Variants in MIPOL1 observed in about 807,000 individuals in gnomAD.
The protein encoded by MIPOL1 is mirror-image polydactyly 1.
A neutral mutation model predicts 60.9 loss-of-function variants in MIPOL1; 57 were observed. That is an observed-to-expected ratio of 0.94 (90% confidence interval 0.76 to 1.17). The LOEUF is 1.17. Among genes scored for constraint, MIPOL1 ranks in the 50% most tolerant of loss-of-function variants. The pLI is 0.00. For synonymous variants in MIPOL1, 179 were observed against 168.8 expected, an observed-to-expected ratio of 1.06 and a Z score of -0.47; for missense variants, 551 against 511.6, an observed-to-expected ratio of 1.08 and a Z score of -0.74.
intron 7 of MIPOL1, among the ~76,000 whole-genome samples, chr14:37,294,683 C>G (rs1313081550): frequency 1.3e-5 from 2 of 151,888 alleles, no homozygotes; most frequent in Non-Finnish European, 2.9e-5. Flanking sequence ...GTAACCGATG[C>G]GATCAACTGG....
At chr14:37,223,559 A>G (rs375824096) in intron 1 of MIPOL1, among the ~76,000 whole-genome samples, 119 of 151,254 alleles carry the variant, frequency 7.9e-4, no homozygotes, top group African/African-American at 2.5e-3. Context: ...CTGGAGTGCA[A>G]TGGCGCGATC....
intron 4 of MIPOL1, among the ~76,000 whole-genome samples, chr14:37,267,424 G>A (rs1009788223): frequency 1.3e-5 from 2 of 152,016 alleles, no homozygotes; most frequent in Admixed American, 1.3e-4. Context: ...GGAGGCGGAG[G>A]TTGCAGTGAG....
chr14:37,296,874 G>A (rs1016485365), intron 7 of MIPOL1, among the ~76,000 whole-genome samples: 1 of 152,138 alleles, frequency 6.6e-6, no homozygotes, highest in Admixed American at 6.5e-5. Context: ...TCTACCAGAG[G>A]TACAAGGAGG....
intron 9 of MIPOL1, among the ~76,000 whole-genome samples, chr14:37,317,350 A>G (rs1306036630): frequency 2.0e-5 from 3 of 152,208 alleles, no homozygotes; most frequent in Non-Finnish European, 2.9e-5. Flanking sequence ...GCAGAGCTGA[A>G]TGCACATTTA....
intron 1 of MIPOL1, among the ~76,000 whole-genome samples, chr14:37,237,475 A>G (rs575957491): frequency 1.8e-4 from 28 of 152,028 alleles, no homozygotes; most frequent in Non-Finnish European, 3.5e-4. Flanking sequence ...ACTATTTTCT[A>G]TAGCTCCAGC....
chr14:37,313,642 G>T (rs1243632123), intron 9 of MIPOL1, among the ~76,000 whole-genome samples: 3 of 152,104 alleles, frequency 2.0e-5, no homozygotes, highest in Non-Finnish European at 4.4e-5. Context: ...AGTACAGCAG[G>T]TATAAAGGAA....
chr14:37,331,428 T>C (rs567628347), intron 9 of MIPOL1, among the ~76,000 whole-genome samples: 5 of 152,126 alleles, frequency 3.3e-5, no homozygotes, highest in Admixed American at 6.5e-5. Flanking sequence ...TGTGTGTATG[T>C]CCTCTTCAGT....
At chr14:37,526,090 A>C (rs906073121) in intron 12 of MIPOL1, among the ~76,000 whole-genome samples, 2 of 152,172 alleles carry the variant, frequency 1.3e-5, no homozygotes, top group Non-Finnish European at 2.9e-5. Context: ...AGACAGAAGA[A>C]TCACCAAAAA....
At chr14:37,347,630 T>A (rs1023096596) in intron 9 of MIPOL1, among the ~76,000 whole-genome samples, 1 of 152,178 alleles carries the variant, frequency 6.6e-6, no homozygotes, top group African/African-American at 2.4e-5. Context: ...CCTAGAGATA[T>A]TGTTGTAGAA....
chr14:37,445,789 C>G (rs2094324628), intron 11 of MIPOL1, among the ~76,000 whole-genome samples: 1 of 152,096 alleles, frequency 6.6e-6, no homozygotes, highest in African/African-American at 2.4e-5. Flanking sequence ...ACTGTCTGAT[C>G]TTTGACAAAC....
chr14:37,474,771 G>A (rs904452803), intron 11 of MIPOL1, among the ~76,000 whole-genome samples: 5 of 152,072 alleles, frequency 3.3e-5, no homozygotes, highest in African/African-American at 9.7e-5. Flanking sequence ...AGATGGATGA[G>A]GATGTTGTAC....
At chr14:37,289,207 T>C (rs573487568) in intron 7 of MIPOL1, among the ~76,000 whole-genome samples, 1 of 152,226 alleles carries the variant, frequency 6.6e-6, no homozygotes, top group African/African-American at 2.4e-5. Flanking sequence ...TTTTCTCTTA[T>C]TCAACACAAC....
intron 1 of MIPOL1, among the ~76,000 whole-genome samples, chr14:37,201,338 C>G (rs1384333536): frequency 6.6e-6 from 1 of 152,106 alleles, no homozygotes; most frequent in Non-Finnish European, 1.5e-5. Context: ...ATTGTTTTTA[C>G]TTCTCCCACT....
intron 1 of MIPOL1, among the ~76,000 whole-genome samples, chr14:37,214,208 ACT>A (rs1967189878): frequency 6.6e-6 from 1 of 152,152 alleles, no homozygotes; most frequent in African/African-American, 2.4e-5. Context: ...TGTGTAAACG[ACT>A]CTCATTCTCA....
chr14:37,263,253 T>C (rs975595703), intron 3 of MIPOL1, among the ~76,000 whole-genome samples: 3 of 152,090 alleles, frequency 2.0e-5, no homozygotes, highest in Non-Finnish European at 4.4e-5. Flanking sequence ...AATAATTCAT[T>C]AGATCATGAA....
chr14:37,286,802 A>C (rs937299698), intron 7 of MIPOL1, among the ~76,000 whole-genome samples: 5 of 152,194 alleles, frequency 3.3e-5, no homozygotes, highest in African/African-American at 9.6e-5. Flanking sequence ...AAATCATCTA[A>C]ATTCCACAAT....
chr14:37,414,591 G>C (rs942299895), intron 10 of MIPOL1, among the ~76,000 whole-genome samples: 7 of 152,098 alleles, frequency 4.6e-5, no homozygotes, highest in Non-Finnish European at 4.4e-5. Context: ...ATCTTATTGA[G>C]AATCCCTTTT....
chr14:37,400,648 A>C (rs1224723102), intron 10 of MIPOL1: 1 of 152,128 alleles, frequency 6.6e-6, no homozygotes, highest in African/African-American at 2.4e-5. Context: ...ATAGAGAAGA[A>C]GCAATGGAAT....
intron 9 of MIPOL1, among the ~76,000 whole-genome samples, chr14:37,364,705 G>A (rs560475849): frequency 6.6e-6 from 1 of 152,146 alleles, no homozygotes; most frequent in African/African-American, 2.4e-5. Context: ...TGGTTCTTCT[G>A]AATCTCTTCT....
Sources: allele counts gnomAD v4.1 joint callset (sites outside exome capture counted in the v4.1 genomes callset), GRCh38; gene constraint gnomAD v4.1.1; transcripts MANE v1.5; gene names NCBI Gene and HGNC (gene_info 2026-07-23, HGNC 2026-07-21).